The following PTPRN2 variants were observed in gnomAD, a reference collection of about 807,000 sequenced individuals.
PTPRN2 encodes the protein receptor-type tyrosine-protein phosphatase N2.
Under a neutral mutation model 118.8 loss-of-function variants are expected in PTPRN2, and 74 were observed. The observed-to-expected ratio is 0.62, with a 90% CI of 0.52 to 0.76. The LOEUF (loss-of-function observed/expected upper bound fraction) is 0.76, where lower values mean the gene tolerates loss of function less well. Ranked by LOEUF, PTPRN2 falls within the 30% of genes least tolerant of loss-of-function variation. The probability of loss-of-function intolerance (pLI) is 0.00; values close to 1 mark genes in which losing one functional copy is unlikely to be tolerated. For synonymous variants in PTPRN2, 641 were observed against 608.0 expected (o/e 1.05, Z -0.80); for missense variants, 1,481 against 1,394.4 (o/e 1.06, Z -0.99).
intron 15 of PTPRN2, among the ~76,000 whole-genome samples, chr7:157,605,595 A>T (rs1281536154): frequency 1.3e-5 from 2 of 152,222 alleles, no homozygotes; most frequent in African/African-American, 4.8e-5. Flanking sequence ...GTGGAGGATG[A>T]GCAAGATGAA....
At chr7:158,285,651 T>C (rs902726504) in intron 3 of PTPRN2, among the ~76,000 whole-genome samples, 1 of 152,220 alleles carries the variant, frequency 6.6e-6, no homozygotes, top group African/African-American at 2.4e-5. Flanking sequence ...CAGAGCATGC[T>C]GCTGTAAGAG....
intron 12 of PTPRN2, among the ~76,000 whole-genome samples, chr7:157,749,583 T>C (rs1294709189): frequency 7.2e-6 from 1 of 139,390 alleles, no homozygotes; most frequent in Non-Finnish European, 1.5e-5. Flanking sequence ...TTCTGAAGCC[T>C]GCGGCTGTGA....
At chr7:157,577,642 G>C (rs577834457) in intron 18 of PTPRN2, among the ~76,000 whole-genome samples, 102 of 152,330 alleles carry the variant, frequency 6.7e-4, no homozygotes, top group Non-Finnish European at 1.2e-3. Context: ...TTAAAGGCTT[G>C]TTATATGGGA....
At chr7:158,458,922 G>A (rs1216260879) in intron 2 of PTPRN2, among the ~76,000 whole-genome samples, 2 of 152,190 alleles carry the variant, frequency 1.3e-5, no homozygotes, top group African/African-American at 2.4e-5. Context: ...ACGCAGCACA[G>A]GCCAGACAAG....
rs535633171 is a variant in PTPRN2 at position 157,648,600 on chromosome 7, G to A, written c.2196+7757C>T. ...CAGCATGCACTGAACTCGGTGGGTC[G>A]GACCCATCCAGCGTGCACTGAACTC... On this transcript the variant is annotated intron_variant, in intron 14 of 22. Coordinates refer to ENST00000389418, the MANE Select transcript of PTPRN2 (RefSeq NM_002847.5). Among the ~76,000 whole-genome samples the A allele has an allele frequency of 3.5e-3, 422 of 121,016 alleles. 4 individuals are homozygous for A. Among genetic ancestry groups the A allele is most frequent in the African/African-American group, 0.011 (378 of 33,078 alleles). The allele number at this position is 121,016 out of a possible 152,430, so 79.4% of individuals were successfully genotyped here. A position where few individuals can be genotyped will look rare whatever the true frequency, so the allele number is the denominator to read the frequency against.
chr7:158,246,112 G>A (rs1208443433), intron 3 of PTPRN2, among the ~76,000 whole-genome samples: 1 of 135,084 alleles, frequency 7.4e-6, no homozygotes, highest in Non-Finnish European at 1.6e-5. Flanking sequence ...GAATATTCTG[G>A]GCCAGGCTGC....
rs1804149710 is a variant in PTPRN2 at position 157,787,608 on chromosome 7, C to T, written c.1789-104671G>A. Among the ~76,000 whole-genome samples the T allele has an allele frequency of 1.3e-5, 2 of 152,228 alleles. No individual in the cohort carries two copies. The highest frequency in any genetic ancestry group is 1.9e-4 in the East Asian group (1 of 5,164). On this transcript the variant is annotated intron_variant, in intron 12 of 22. Coordinates refer to ENST00000389418, the MANE Select transcript of PTPRN2 (RefSeq NM_002847.5). The surrounding 1 kb of genome is among the most constrained non-coding windows in gnomAD (Gnocchi z 5.3). Reference sequence around the variant, plus strand: ...AGAGAGAGAGGCAGAGGAGAGTGGCCGTGACCTGGAGGACAAGGACATGCA... The same window carrying T: ...AGAGAGAGAGGCAGAGGAGAGTGGCTGTGACCTGGAGGACAAGGACATGCA...
At chr7:157,707,578 CT>C (rs1319202477) in intron 12 of PTPRN2, among the ~76,000 whole-genome samples, 1 of 137,246 alleles carries the variant, frequency 7.3e-6, no homozygotes, top group African/African-American at 2.7e-5. Flanking sequence ...TTTCTTTTTC[CT>C]TTTTTTTTCT....
At chr7:157,552,604 G>A (rs1479198839) in intron 21 of PTPRN2, among the ~76,000 whole-genome samples, 3 of 152,174 alleles carry the variant, frequency 2.0e-5, no homozygotes, top group Non-Finnish European at 2.9e-5. Flanking sequence ...TTTGGAAACC[G>A]GGTTCTAATA....
At chr7:158,340,035 T>G (rs1298231937) in intron 2 of PTPRN2, among the ~76,000 whole-genome samples, 1 of 35,546 alleles carries the variant, frequency 2.8e-5, no homozygotes, top group African/African-American at 1.0e-4. Context: ...AGAGGTGACA[T>G]ATGCAGACGT....
At chr7:158,368,475 C>T (rs1313882983) in intron 2 of PTPRN2, among the ~76,000 whole-genome samples, 2 of 152,226 alleles carry the variant, frequency 1.3e-5, no homozygotes, top group Non-Finnish European at 2.9e-5. Context: ...AGTAGGGTTT[C>T]CATACATGAT....
intron 11 of PTPRN2, among the ~76,000 whole-genome samples, chr7:158,042,258 G>A (rs902737122): frequency 6.6e-6 from 1 of 152,202 alleles, no homozygotes; most frequent in Non-Finnish European, 1.5e-5. Context: ...GTGAAACGCA[G>A]AGACCAGGAG....
At chr7:158,112,035 A>G (rs1816323972) in intron 9 of PTPRN2, among the ~76,000 whole-genome samples, 1 of 152,068 alleles carries the variant, frequency 6.6e-6, no homozygotes, top group Non-Finnish European at 1.5e-5. Context: ...TCAGGCCAGT[A>G]GCAGCAGGGG....
rs112543521 is a variant in PTPRN2, at chr7:158,417,455, G to A, written c.163+72280C>T. Among the ~76,000 whole-genome samples the A allele has an allele frequency of 6.1e-4, 86 of 140,866 alleles. 2 individuals are homozygous for A. The highest frequency in any genetic ancestry group is 1.9e-3 in the African/African-American group (68 of 36,332). The allele number at this position is 140,866 out of a possible 152,430, so 92.4% of individuals were successfully genotyped here. On this transcript the variant is annotated intron_variant, in intron 2 of 22. Transcript: ENST00000389418. ...GAGATGCTGTAGCTTTCAGTGTCCCGCTGTGTTGTCATGGTGTACTACATC... is the reference window on the plus strand; with the variant it reads ...GAGATGCTGTAGCTTTCAGTGTCCCACTGTGTTGTCATGGTGTACTACATC...
intron 20 of PTPRN2, 152 bp from the exon 21 acceptor site, chr7:157,569,118 G>A: frequency 1.3e-6 from 1 of 773,448 alleles, no homozygotes; most frequent in Non-Finnish European, 2.2e-6. Context: ...GACGCGGGCT[G>A]GGAGAATCCA....
chr7:157,796,126 A>T (rs1388624815), intron 12 of PTPRN2, among the ~76,000 whole-genome samples: 3 of 152,192 alleles, frequency 2.0e-5, no homozygotes, highest in Non-Finnish European at 4.4e-5. Context: ...AGTCCTGTCA[A>T]TTTTCCATCT....
At chr7:158,491,080 T>C (rs1821409634) in intron 1 of PTPRN2, among the ~76,000 whole-genome samples, 1 of 152,236 alleles carries the variant, frequency 6.6e-6, no homozygotes, top group Non-Finnish European at 1.5e-5. Context: ...ATGAGGGAGC[T>C]GGCCTAAAAC....
chr7:158,489,434 G>A (rs996261120), intron 2 of PTPRN2, among the ~76,000 whole-genome samples: 3 of 152,226 alleles, frequency 2.0e-5, no homozygotes, highest in Admixed American at 6.5e-5. Context: ...GCGACAGAGC[G>A]AGACTCTGTC....
In PTPRN2 at chr7:157,671,290, G is replaced by A. The variant is rs2952651; in HGVS notation, c.2001+11435C>T. 0.031 allele frequency among the ~76,000 whole-genome samples: 4,681 copies of A among 152,214 alleles called. 259 individuals are homozygous for A. The highest frequency in any genetic ancestry group is 0.26 in the East Asian group (1,342 of 5,144). ...TGGTCTGGTGTGGGCAACAAGGCCC[G>A]CTCTGCACCCAGGCCTGCCTCCATC... is the stretch of plus-strand genomic sequence containing the variant. On this transcript the variant is annotated intron_variant, in intron 13 of 22. Coordinates refer to ENST00000389418, the MANE Select transcript of PTPRN2 (RefSeq NM_002847.5). This position sits in a 1 kb window ranked among gnomAD's most constrained non-coding sequence, Gnocchi z 4.1.
Sources: allele counts gnomAD v4.1 joint callset (sites outside exome capture counted in the v4.1 genomes callset), GRCh38; gene constraint gnomAD v4.1.1; non-coding constraint Gnocchi (gnomAD v3.1); transcripts MANE v1.5; gene names NCBI Gene and HGNC (gene_info 2026-07-23, HGNC 2026-07-21).